Variants in COMMD7 observed in about 807,000 individuals in gnomAD.
COMMD7 encodes the protein COMM domain-containing protein 7.
COMMD7 carries 28 observed loss-of-function variants against 34.8 expected under a neutral mutation model. That is an observed-to-expected ratio of 0.80 (90% CI 0.60 to 1.10). The LOEUF is 1.10. COMMD7 is among the 50% of genes least tolerant of loss of function. COMMD7 has a pLI of 0.00. For missense variants in COMMD7, 211 were observed against 241.6 expected (o/e 0.87, Z 0.84); for synonymous variants, 80 against 86.4 (o/e 0.93, Z 0.41).
intron 1 of COMMD7, among the ~76,000 whole-genome samples, chr20:32,741,045 A>C (rs1451128276): frequency 2.0e-5 from 3 of 151,724 alleles, no homozygotes; most frequent in Admixed American, 6.6e-5. Flanking sequence ...TGGGAGCCTG[A>C]GGCAAAAGAA....
In COMMD7 at chr20:32,743,027, G is replaced by A. The variant is rs112395658; in HGVS notation, c.84+281C>T. On this transcript the variant is annotated intron_variant, in intron 1 of 8. Coordinates refer to ENST00000278980, the MANE Select transcript of COMMD7 (RefSeq NM_053041.3). ...AAGCTCTCCTCGGCCCCAGGACCCC[G>A]CAGAGGTCCCGTAGTCCCATCTCTG... Among the ~76,000 whole-genome samples, 34 of 151,754 alleles carry A rather than the reference G, an allele frequency of 2.2e-4. 2 individuals are homozygous for A. The highest frequency in any genetic ancestry group is 3.4e-3 in the Middle Eastern group (1 of 294).
rs578146915 is a variant in COMMD7, at chr20:32,740,301, G to A, written c.84+3007C>T. 1.7e-3 allele frequency among the ~76,000 whole-genome samples: 231 copies of A among 135,634 alleles called. 1 individual carries two copies. Among genetic ancestry groups the A allele is most frequent in the African/African-American group, 6.1e-3 (219 of 36,016 alleles). 89.0% of individuals were successfully genotyped at this position (135,634 alleles called of 152,430 possible). On this transcript the variant is annotated intron_variant, in intron 1 of 8. Coordinates refer to ENST00000278980, the MANE Select transcript of COMMD7 (RefSeq NM_053041.3). Reference sequence around the variant, plus strand: ...CACTGCACTCCAGCCTGGGCAACAGGGCCAGACACTGTCTCAAAAAAAAAA... The same window carrying A: ...CACTGCACTCCAGCCTGGGCAACAGAGCCAGACACTGTCTCAAAAAAAAAA...
intron 3 of COMMD7, among the ~76,000 whole-genome samples, chr20:32,717,617 T>G (rs1408249780): frequency 6.6e-6 from 1 of 151,836 alleles, no homozygotes; most frequent in Non-Finnish European, 1.5e-5. Flanking sequence ...TGAGCCACCA[T>G]ACCTGGCCAA....
At chr20:32,716,431 C>T (rs965265505) in intron 3 of COMMD7, among the ~76,000 whole-genome samples, 18 of 151,922 alleles carry the variant, frequency 1.2e-4, no homozygotes, top group African/African-American at 3.9e-4. Flanking sequence ...CTGGCTAACA[C>T]GGTGAAACCC....
intron 5 of COMMD7, among the ~76,000 whole-genome samples, chr20:32,705,474 C>T (rs938304910): frequency 3.4e-4 from 52 of 151,496 alleles, no homozygotes; most frequent in African/African-American, 1.2e-3. Flanking sequence ...CCTGGGTTCA[C>T]GCCACTCTCC....
At chr20:32,740,518 T>C (rs2145793284) in intron 1 of COMMD7, among the ~76,000 whole-genome samples, 1 of 126,836 alleles carries the variant, frequency 7.9e-6, no homozygotes, top group Non-Finnish European at 1.7e-5. Flanking sequence ...GATGGTCCCA[T>C]AACATTATAA....
At position 32,723,269 on chromosome 20, in the gene COMMD7, C is replaced by G. The variant is rs1159501974; in HGVS notation, c.241+4624G>C. Among the ~76,000 whole-genome samples the G allele has an allele frequency of 1.8e-4, 6 of 34,146 alleles. 1 individual carries two copies. The highest frequency in any genetic ancestry group is 4.3e-4 in the Admixed American group (2 of 4,624). 22.4% of individuals were successfully genotyped at this position (34,146 alleles called of 152,430 possible). A position where few individuals can be genotyped will look rare whatever the true frequency, so the allele number is the denominator to read the frequency against. ...GCCTGATTCTCCTGCCTCAGCCTGC[C>G]GAGTGCCTGCGATTGCAGGCACGCG... is the stretch of plus-strand genomic sequence containing the variant. On this transcript the variant is annotated intron_variant, in intron 3 of 8. Transcript: ENST00000278980.
At chr20:32,718,834 C>G (rs1372181649) in intron 3 of COMMD7, among the ~76,000 whole-genome samples, 1 of 150,920 alleles carries the variant, frequency 6.6e-6, no homozygotes, top group Non-Finnish European at 1.5e-5. Context: ...TTCACAGATA[C>G]TGGTTAAGCA....
chr20:32,715,408 A>G (rs1406736347), intron 3 of COMMD7, among the ~76,000 whole-genome samples: 2 of 140,434 alleles, frequency 1.4e-5, no homozygotes, highest in Non-Finnish European at 3.1e-5. Context: ...ACTGAAGCTC[A>G]GGAAGTCAAG....
At chr20:32,711,036 G>A (rs1177522903) in intron 3 of COMMD7, among the ~76,000 whole-genome samples, 2 of 152,044 alleles carry the variant, frequency 1.3e-5, no homozygotes, top group Non-Finnish European at 2.9e-5. Context: ...GAGCCATGAT[G>A]GCACCACTTC....
intron 3 of COMMD7, among the ~76,000 whole-genome samples, chr20:32,718,272 C>T (rs147175633): frequency 0.016 from 2,371 of 151,696 alleles, 79 homozygotes; most frequent in African/African-American, 0.055. Context: ...GGCGTGGTGG[C>T]GGGCGCCTGT....
rs116602276 is a variant in COMMD7, at chr20:32,732,170, A to G, written c.85-4028T>C. 1.5e-3 allele frequency among the ~76,000 whole-genome samples: 222 copies of G among 152,182 alleles called. 1 individual carries two copies. The highest frequency in any genetic ancestry group is 5.2e-3 in the African/African-American group (215 of 41,524). On this transcript the variant is annotated intron_variant, in intron 1 of 8. Transcript: ENST00000278980. ...CAATCACGGCTCGCTGGAGCCTCCA[A>G]CCTCTTGGGTTCAAAGCAATCCTCC...
chr20:32,735,231 C>CA (rs1225673530), intron 1 of COMMD7, among the ~76,000 whole-genome samples: 72 of 77,320 alleles, frequency 9.3e-4, no homozygotes, highest in Middle Eastern at 8.5e-3. Flanking sequence ...GCGCGAGACT[C>CA]AAAAAAAAAA....
intron 1 of COMMD7, among the ~76,000 whole-genome samples, chr20:32,737,784 G>A (rs1986223005): frequency 1.3e-5 from 2 of 151,056 alleles, no homozygotes; most frequent in Non-Finnish European, 2.9e-5. Flanking sequence ...ACTGCAGTGA[G>A]CCATTATTGT....
chr20:32,734,184 A>ACCAACC (rs1986010305), intron 1 of COMMD7, among the ~76,000 whole-genome samples: 3 of 150,166 alleles, frequency 2.0e-5, no homozygotes, highest in East Asian at 2.0e-4. Context: ...CCGTCACAAA[A>ACCAACC]AAAAAAAAAA....
chr20:32,728,071 A>C lies in COMMD7; in HGVS notation c.138+18T>G. 1.2e-6 allele frequency: 2 copies of C among 1,613,738 alleles called. No individual in the cohort carries two copies. The highest frequency in any genetic ancestry group is 1.7e-6 in the Non-Finnish European group (2 of 1,179,766). The stretch of plus-strand genomic sequence containing the variant: ...AGGGAGCACGGACCCACTCCCTAAC[A>C]CAGAATGTTTTATTTACCTCTTTTG... On this transcript the variant is annotated intron_variant, in intron 2 of 8. Coordinates refer to ENST00000278980, the MANE Select transcript of COMMD7 (RefSeq NM_053041.3).
intron 1 of COMMD7, 27 bp from the exon 2 acceptor site, chr20:32,728,169 A>G (rs1268343664): frequency 1.2e-6 from 2 of 1,613,064 alleles, no homozygotes; most frequent in South Asian, 1.1e-5. Context: ...ACAGAACATC[A>G]GTACAATTTC....
chr20:32,719,218 G>A (rs1451362864), intron 3 of COMMD7, among the ~76,000 whole-genome samples: 3 of 152,170 alleles, frequency 2.0e-5, no homozygotes, highest in Non-Finnish European at 4.4e-5. Context: ...TGTGCTCCAG[G>A]GCAAACTGGA....
chr20:32,703,934 G>A (rs1161809519), intron 8 of COMMD7, 89 bp downstream of exon 8: 30 of 1,600,010 alleles, frequency 1.9e-5, no homozygotes, highest in Non-Finnish European at 2.6e-5. Flanking sequence ...TGTTTTTATA[G>A]AAGACATGAT....
Sources: gnomAD v4.1 joint callset for allele counts (sites outside exome capture counted in the v4.1 genomes callset) on GRCh38, gnomAD v4.1.1 for gene constraint, MANE v1.5 for transcripts, NCBI Gene and HGNC (gene_info 2026-07-23, HGNC 2026-07-21) for gene names.